Variants in SPAG16 observed in about 807,000 individuals in gnomAD.
SPAG16 encodes the protein sperm associated antigen 16, also known as sperm-associated antigen 16 protein.
Under a neutral mutation model 80.4 loss-of-function variants are expected in SPAG16, and 86 were observed. The ratio of observed to expected loss-of-function variants is 1.07; its 90% CI spans 0.90 to 1.28. SPAG16 has a LOEUF of 1.28. Among genes scored for constraint, SPAG16 ranks in the 50% most tolerant of loss-of-function variants. The pLI, the probability that SPAG16 is intolerant of heterozygous loss-of-function variation, is 0.00. For synonymous variants in SPAG16, 294 were observed against 265.9 expected, an observed-to-expected ratio of 1.11 and a Z score of -1.03; for missense variants, 870 against 765.3, an observed-to-expected ratio of 1.14 and a Z score of -1.61.
intron 15 of SPAG16, among the ~76,000 whole-genome samples, chr2:214,380,113 G>GGTGAA (rs1381697386): frequency 1.3e-5 from 2 of 152,124 alleles, no homozygotes; most frequent in Non-Finnish European, 2.9e-5. Flanking sequence ...GTGAGATGGT[G>GGTGAA]GTGAAGTGCA....
At position 213,406,036 on chromosome 2, in the gene SPAG16, C is replaced by G. The variant is rs567317095; in HGVS notation, c.942+30917C>G. 2.6e-5 allele frequency among the ~76,000 whole-genome samples: 4 copies of G among 152,212 alleles called. No homozygotes were observed. In the East Asian group the frequency reaches 5.8e-4, roughly 22 times the overall value. ...GCATAAAGTAAAATAAAATTATAGTCAAAAGTGAGGTTGCCTTAGGTTCAG... is the reference window on the plus strand; with the variant it reads ...GCATAAAGTAAAATAAAATTATAGTGAAAAGTGAGGTTGCCTTAGGTTCAG... On this transcript the variant is annotated intron_variant, in intron 9 of 15. Coordinates refer to ENST00000331683, the MANE Select transcript of SPAG16 (RefSeq NM_024532.5).
At chr2:213,862,389 G>C in intron 10 of SPAG16, 96 bp from the exon 11 acceptor site, 1 of 1,486,064 alleles carries the variant, frequency 6.7e-7, no homozygotes, top group Non-Finnish European at 9.2e-7. Flanking sequence ...ATCCTGCCTT[G>C]CTAAAATCGG....
chr2:214,168,325 C>T (rs2056743885), intron 15 of SPAG16, among the ~76,000 whole-genome samples: 1 of 151,980 alleles, frequency 6.6e-6, no homozygotes, highest in African/African-American at 2.4e-5. Flanking sequence ...AAGTTTTCGC[C>T]TCTGTAAAAT....
At chr2:213,365,052 C>T (rs372392887) in intron 8 of SPAG16, 4 of 152,130 alleles carry the variant, frequency 2.6e-5, no homozygotes, top group African/African-American at 7.2e-5. Flanking sequence ...TCCACCCTAA[C>T]GAAGCATAAA....
chr2:213,846,751 T>G (rs2074648851), intron 10 of SPAG16, among the ~76,000 whole-genome samples: 1 of 152,220 alleles, frequency 6.6e-6, no homozygotes, highest in South Asian at 2.1e-4. Context: ...GTATCTGTTT[T>G]CTATTGCTGC....
intron 1 of SPAG16, among the ~76,000 whole-genome samples, chr2:213,289,772 C>G (rs1451552711): frequency 2.0e-5 from 3 of 152,192 alleles, no homozygotes; most frequent in Non-Finnish European, 4.4e-5. Context: ...TGATTTCTGT[C>G]TATAGTAGCT....
chr2:213,955,483 C>A (rs1178727413), intron 12 of SPAG16, among the ~76,000 whole-genome samples: 1 of 152,150 alleles, frequency 6.6e-6, no homozygotes, highest in Non-Finnish European at 1.5e-5. Context: ...TGTTGAAAAT[C>A]ATTTAACTAT....
chr2:213,720,069 A>T (rs2066444944), intron 10 of SPAG16, among the ~76,000 whole-genome samples: 1 of 152,326 alleles, frequency 6.6e-6, no homozygotes, highest in African/African-American at 2.4e-5. Flanking sequence ...AATCATTCTC[A>T]GTAAACTAAC....
chr2:213,918,147 G>T (rs566662734), intron 11 of SPAG16, among the ~76,000 whole-genome samples: 1 of 152,178 alleles, frequency 6.6e-6, no homozygotes, highest in East Asian at 1.9e-4. Flanking sequence ...TTAGTTTTTT[G>T]ATGTGCTGCT....
intron 13 of SPAG16, among the ~76,000 whole-genome samples, chr2:214,086,209 T>C (rs958811941): frequency 2.0e-5 from 3 of 152,208 alleles, no homozygotes; most frequent in Non-Finnish European, 2.9e-5. Flanking sequence ...TTTCAAAATA[T>C]TGCCTTGCAC....
At chr2:214,170,175 C>T (rs2056818288) in intron 15 of SPAG16, among the ~76,000 whole-genome samples, 1 of 150,716 alleles carries the variant, frequency 6.6e-6, no homozygotes, top group Non-Finnish European at 1.5e-5. Flanking sequence ...GAGAGGGATA[C>T]ACATACACTT....
chr2:213,350,979 A>C (rs1338324219), intron 7 of SPAG16, among the ~76,000 whole-genome samples: 1 of 151,454 alleles, frequency 6.6e-6, no homozygotes, highest in Non-Finnish European at 1.5e-5. Flanking sequence ...CAAAAAAAAA[A>C]AAACAAAAAA....
At chr2:213,767,605 G>C (rs2069005355) in intron 10 of SPAG16, among the ~76,000 whole-genome samples, 1 of 151,494 alleles carries the variant, frequency 6.6e-6, no homozygotes, top group Admixed American at 6.6e-5. Context: ...TGCAGCCTGG[G>C]CAATGGAGTG....
intron 6 of SPAG16, among the ~76,000 whole-genome samples, chr2:213,346,963 C>A (rs2065030396): frequency 6.6e-6 from 1 of 152,098 alleles, no homozygotes; most frequent in African/African-American, 2.4e-5. Flanking sequence ...AGGAATGGTA[C>A]CAGCTCCTCC....
At chr2:214,269,523 T>C (rs796392920) in intron 15 of SPAG16, among the ~76,000 whole-genome samples, 52 of 152,206 alleles carry the variant, frequency 3.4e-4, no homozygotes, top group African/African-American at 1.2e-3. Flanking sequence ...AATGTCTATC[T>C]TTTCTGAAGC....
chr2:213,296,023 A>G, intron 1 of SPAG16, 41 bp from the exon 2 acceptor site: 5 of 1,560,242 alleles, frequency 3.2e-6, no homozygotes, highest in Non-Finnish European at 4.4e-6. Flanking sequence ...CAATAATTTT[A>G]TTCTATATTT....
chr2:213,805,915 T>C (rs1432333661), intron 10 of SPAG16, among the ~76,000 whole-genome samples: 2 of 152,200 alleles, frequency 1.3e-5, no homozygotes, highest in African/African-American at 4.8e-5. Flanking sequence ...AAATTATAAA[T>C]ACCAGGTTGT....
intron 15 of SPAG16, among the ~76,000 whole-genome samples, chr2:214,207,755 G>T (rs2058183523): frequency 6.6e-6 from 1 of 152,142 alleles, no homozygotes; most frequent in Admixed American, 6.5e-5. Context: ...CAAGTGTGTG[G>T]GTACCATCCA....
At chr2:213,761,258 A>G (rs907760983) in intron 10 of SPAG16, among the ~76,000 whole-genome samples, 1 of 152,190 alleles carries the variant, frequency 6.6e-6, no homozygotes, top group Non-Finnish European at 1.5e-5. Flanking sequence ...ATCAAAACAT[A>G]TGGGATGAGG....
Sources: gnomAD v4.1 joint callset for allele counts (sites outside exome capture counted in the v4.1 genomes callset) on GRCh38, gnomAD v4.1.1 for gene constraint, MANE v1.5 for transcripts, NCBI Gene and HGNC (gene_info 2026-07-23, HGNC 2026-07-21) for gene names.